Variants in ATRN observed in about 807,000 individuals in gnomAD.
The protein encoded by ATRN is attractin, also known as attractin-2.
ATRN carries 54 observed loss-of-function variants against 178.7 expected under a neutral mutation model. That is an observed-to-expected ratio of 0.30 (90% CI 0.24 to 0.38). The LOEUF (loss-of-function observed/expected upper bound fraction) is 0.38, where lower values mean the gene tolerates loss of function less well. ATRN is among the 10% of genes least tolerant of loss of function. ATRN has a pLI of 1.00. For missense variants in ATRN, 1,443 were observed against 1,815.1 expected, an observed-to-expected ratio of 0.79 and a Z score of 3.73; for synonymous variants, 636 against 663.0, an observed-to-expected ratio of 0.96 and a Z score of 0.63.
intron 1 of ATRN, among the ~76,000 whole-genome samples, chr20:3,531,860 A>T (rs1438512455): frequency 1.3e-5 from 2 of 152,222 alleles, no homozygotes; most frequent in African/African-American, 4.8e-5. Flanking sequence ...TTATCTGTAA[A>T]ATTATATAAA....
At chr20:3,485,136 G>A (rs1336502945) in intron 1 of ATRN, among the ~76,000 whole-genome samples, 1 of 151,968 alleles carries the variant, frequency 6.6e-6, no homozygotes, top group Non-Finnish European at 1.5e-5. Context: ...TCATGGTGAT[G>A]GCAGAAGTGC....
At chr20:3,517,715 C>G (rs2085224782) in intron 1 of ATRN, among the ~76,000 whole-genome samples, 1 of 151,282 alleles carries the variant, frequency 6.6e-6, no homozygotes, top group Non-Finnish European at 1.5e-5. Context: ...AGGTTGCAGT[C>G]AGCCAACACG....
chr20:3,627,306 A>C (rs1480458238), intron 25 of ATRN, among the ~76,000 whole-genome samples: 1 of 152,226 alleles, frequency 6.6e-6, no homozygotes. Flanking sequence ...GGTGCACCCC[A>C]AACATTTGAA....
At chr20:3,606,202 A>G (rs2086674991) in intron 24 of ATRN, among the ~76,000 whole-genome samples, 1 of 152,114 alleles carries the variant, frequency 6.6e-6, no homozygotes, top group Non-Finnish European at 1.5e-5. Flanking sequence ...ATCTGCTCAC[A>G]ATGGTCTGGC....
At chr20:3,490,329 T>C in intron 1 of ATRN, 1 of 1,014,464 alleles carries the variant, frequency 9.9e-7, no homozygotes, top group Non-Finnish European at 1.6e-6. Context: ...CTTGTCTCTT[T>C]CGCCCATCCA....
rs1279663373 is a variant in ATRN at position 3,647,782 on chromosome 20, G to GA, written c.*937dup. 6.6e-6 allele frequency: 1 copy of GA among 152,184 alleles called. No individual in the cohort carries two copies. Among genetic ancestry groups the GA allele is most frequent in the Non-Finnish European group, 1.5e-5 (1 of 68,032 alleles). 9.4% of individuals were successfully genotyped at this position (152,184 alleles called of 1,614,324 possible). A position where few individuals can be genotyped will look rare whatever the true frequency, so the allele number is the denominator to read the frequency against. Reference sequence around the variant, plus strand: ...TAAAATCTGATTTGCAGCCAGGAAAGAATTTTCTCACCCAAGGAACATTTG... The same window carrying GA: ...TAAAATCTGATTTGCAGCCAGGAAAGAAATTTTCTCACCCAAGGAACATTTG... On this transcript the variant is annotated 3_prime_UTR_variant, in exon 29 of 29. Coordinates refer to ENST00000262919, the MANE Select transcript of ATRN (RefSeq NM_139321.3).
intron 10 of ATRN, 114 bp downstream of exon 10, chr20:3,563,477 A>G: frequency 9.3e-7 from 1 of 1,071,026 alleles, no homozygotes; most frequent in Non-Finnish European, 1.3e-6. Flanking sequence ...CATTTGAAAG[A>G]GGTCCAAATG....
chr20:3,479,296 G>A (rs2084583394), intron 1 of ATRN, among the ~76,000 whole-genome samples: 1 of 152,202 alleles, frequency 6.6e-6, no homozygotes, highest in Non-Finnish European at 1.5e-5. Flanking sequence ...ATGAAGGTGT[G>A]TAAGAATCAG....
chr20:3,499,979 A>G (rs2084934192), intron 1 of ATRN, among the ~76,000 whole-genome samples: 1 of 152,268 alleles, frequency 6.6e-6, no homozygotes, highest in East Asian at 1.9e-4. Flanking sequence ...AACTCAAACA[A>G]ATTTACAAGG....
chr20:3,494,008 G>A (rs2084843747), intron 1 of ATRN, among the ~76,000 whole-genome samples: 1 of 152,180 alleles, frequency 6.6e-6, no homozygotes, highest in African/African-American at 2.4e-5. Flanking sequence ...GTAGTGTAGT[G>A]GGCAGAGATT....
intron 14 of ATRN, 54 bp from the exon 15 acceptor site, chr20:3,578,528 T>TCTG: frequency 6.8e-7 from 1 of 1,465,952 alleles, no homozygotes; most frequent in Non-Finnish European, 9.3e-7. Context: ...CATAATACAG[T>TCTG]AGTTTTGTCT....
At chr20:3,566,839 G>A (rs914650679) in intron 11 of ATRN, among the ~76,000 whole-genome samples, 1 of 136,158 alleles carries the variant, frequency 7.3e-6, no homozygotes, top group Admixed American at 8.5e-5. Context: ...CCCAGGAGGC[G>A]GAAATTGCAG....
Position 3,601,140 on chromosome 20 carries a change from C to T in ATRN, c.3643+116C>T, listed in dbSNP as rs1313391362. The T allele has an allele frequency of 3.8e-6, 3 of 787,752 alleles. No homozygotes were observed. In the East Asian group the frequency reaches 7.9e-5, roughly 21 times the overall value. The allele number at this position is 787,752 out of a possible 1,614,324, so 48.8% of individuals were successfully genotyped here. On this transcript the variant is annotated intron_variant, in intron 23 of 28. Transcript: ENST00000262919. ...AGATTGGTTTGAAACCCACCCTTGC[C>T]ACTTACTAGCTATGAGACCTTGAGC...
intron 1 of ATRN, among the ~76,000 whole-genome samples, chr20:3,478,361 C>T (rs990724551): frequency 6.6e-6 from 1 of 152,112 alleles, no homozygotes; most frequent in Non-Finnish European, 1.5e-5. Context: ...ACATATACAC[C>T]GTGGAATACT....
Position 3,521,751 on chromosome 20 carries a change from G to A in ATRN, c.411-13502G>A, listed in dbSNP as rs6051912. ...GACTATATGCTGGATAATAGAACAA[G>A]TCTCAATACATTTAAAAGATTTGAA... On this transcript the variant is annotated intron_variant, in intron 1 of 28. Coordinates refer to ENST00000262919, the MANE Select transcript of ATRN (RefSeq NM_139321.3). Among the ~76,000 whole-genome samples the A allele has an allele frequency of 9.2e-5, 14 of 152,208 alleles. 2 individuals carry two copies. The highest frequency in any genetic ancestry group is 3.4e-4 in the African/African-American group (14 of 41,528).
chr20:3,566,233 G>T (rs1022043307), intron 11 of ATRN, among the ~76,000 whole-genome samples: 2 of 152,130 alleles, frequency 1.3e-5, no homozygotes, highest in African/African-American at 4.8e-5. Flanking sequence ...GTAGGCTCTG[G>T]ATAATCAGAA....
intron 1 of ATRN, among the ~76,000 whole-genome samples, chr20:3,481,791 CT>C (rs780144563): frequency 0.056 from 5,583 of 100,484 alleles, 91 homozygotes; most frequent in African/African-American, 0.064. Context: ...GGTGAATTTC[CT>C]TTTTTTTTTT....
chr20:3,639,252 T>A (rs1158364904), intron 27 of ATRN, among the ~76,000 whole-genome samples: 4 of 149,102 alleles, frequency 2.7e-5, no homozygotes, highest in Non-Finnish European at 4.4e-5. Context: ...AATCATTGTT[T>A]TTTTGTTTGT....
At chr20:3,513,873 C>T (rs151509) in intron 1 of ATRN, among the ~76,000 whole-genome samples, 40,529 of 151,930 alleles carry the variant, frequency 0.27, 5,947 homozygotes, top group African/African-American at 0.33. Context: ...TGGGAGTTCA[C>T]TCATGATTTG....
Sources: gnomAD v4.1 joint callset for allele counts (sites outside exome capture counted in the v4.1 genomes callset) on GRCh38, gnomAD v4.1.1 for gene constraint, MANE v1.5 for transcripts, NCBI Gene and HGNC (gene_info 2026-07-23, HGNC 2026-07-21) for gene names.